Variants in USP38 observed in about 807,000 individuals in gnomAD.
The protein encoded by USP38 is ubiquitin specific peptidase 38.
Under a neutral mutation model 94.3 loss-of-function variants are expected in USP38, and 49 were observed. The observed-to-expected ratio is 0.52, with a 90% CI of 0.41 to 0.66. USP38 has a LOEUF of 0.66. Ranked by LOEUF, USP38 falls within the 30% of genes least tolerant of loss-of-function variation. USP38 has a pLI of 0.00. For missense variants in USP38, 1,128 were observed against 1,229.4 expected (o/e 0.92, Z 1.23); for synonymous variants, 468 against 463.6 (o/e 1.01, Z -0.12).
At position 143,191,501 on chromosome 4, in the gene USP38, GC is replaced by G. The variant is rs199653204; in HGVS notation, c.818+3543del. On this transcript the variant is annotated intron_variant, in intron 2 of 9. Coordinates refer to ENST00000307017, the MANE Select transcript of USP38 (RefSeq NM_032557.6). Reference sequence around the variant, plus strand: ...CAAATAAAAGGGAAGGCTGCCTATAGCCCACAAGCTGCCATGTAAAAATGGA... The same window carrying G: ...CAAATAAAAGGGAAGGCTGCCTATAGCCACAAGCTGCCATGTAAAAATGGA... 6.8e-4 allele frequency among the ~76,000 whole-genome samples: 104 copies of G among 152,330 alleles called. 3 individuals carry two copies. The East Asian group carries it at 0.019, about 28-fold the overall frequency.
intron 2 of USP38, among the ~76,000 whole-genome samples, chr4:143,189,183 A>G (rs1384297892): frequency 1.3e-5 from 2 of 151,996 alleles, no homozygotes; most frequent in East Asian, 3.9e-4. Context: ...AAACCTGTGG[A>G]TATCTGAGGG....
Position 143,187,836 on chromosome 4 carries a change from T to A in USP38, c.693T>A (p.Phe231Leu). The stretch of plus-strand genomic sequence containing the variant: ...TAATTGAAAAAACAGATGCATCATT[T>A]GAACCTTCTGTAGCATTGGCAAGCC... ...FASISSTDAS[F>L]EPSVALASLV... The change falls in exon 2 of 10, where the codon TTT becomes TTA. Residue 231 changes from phenylalanine (F) to leucine (L), a missense_variant. Coordinates refer to ENST00000307017, the MANE Select transcript of USP38 (RefSeq NM_032557.6). The A allele has an allele frequency of 6.2e-7, 1 of 1,609,894 alleles. No homozygotes were observed. Among genetic ancestry groups the A allele is most frequent in the Non-Finnish European group, 8.5e-7 (1 of 1,178,504 alleles).
intron 9 of USP38, among the ~76,000 whole-genome samples, chr4:143,218,265 T>C (rs1272753949): frequency 1.3e-5 from 2 of 152,098 alleles, no homozygotes; most frequent in African/African-American, 4.8e-5. Flanking sequence ...ATGAGAAATA[T>C]AAATATACTG....
chr4:143,193,210 G>T (rs1218915995), intron 2 of USP38, among the ~76,000 whole-genome samples: 2 of 151,922 alleles, frequency 1.3e-5, no homozygotes, highest in Non-Finnish European at 2.9e-5. Flanking sequence ...TAAAAAAACT[G>T]CAGTGGTTTT....
At chr4:143,204,516 A>G (rs544586221) in intron 5 of USP38, 21 of 409,020 alleles carry the variant, frequency 5.1e-5, no homozygotes, top group African/African-American at 3.8e-4. Context: ...CAGCCTCCCA[A>G]GTAGCTGGGA....
chr4:143,216,741 G>T (rs1462467765), intron 9 of USP38, among the ~76,000 whole-genome samples: 3 of 152,008 alleles, frequency 2.0e-5, no homozygotes, highest in Non-Finnish European at 4.4e-5. Context: ...CTCCCAAAGT[G>T]CTGGGCCACT....
rs761499500 is a variant in USP38, at chr4:143,214,047, A to C, written c.2071A>C (p.Thr691Pro). 1 of 1,613,530 alleles carries C rather than the reference A, an allele frequency of 6.2e-7. No homozygotes were observed. Among genetic ancestry groups the C allele is most frequent in the African/African-American group, 1.3e-5 (1 of 74,902 alleles). Reference protein sequence around the residue: ...PPNEFYCSENTSVPNESNKIL... With the variant: ...PPNEFYCSENPSVPNESNKIL... ...TAATGAGTTTTACTGTTCTGAAAACACTTCTGTCCCTAACGAATCTAACAA... is the reference window on the plus strand; with the variant it reads ...TAATGAGTTTTACTGTTCTGAAAACCCTTCTGTCCCTAACGAATCTAACAA... Residue 691 changes from threonine (T) to proline (P), a missense_variant, in exon 9 of 10, where the codon ACT (threonine) becomes CCT (proline). By Grantham distance (38) the Thr-to-Pro change is conservative. Coordinates refer to ENST00000307017, the MANE Select transcript of USP38 (RefSeq NM_032557.6).
At chr4:143,218,567 T>G (rs1732244220) in intron 9 of USP38, among the ~76,000 whole-genome samples, 1 of 152,126 alleles carries the variant, frequency 6.6e-6, no homozygotes, top group African/African-American at 2.4e-5. Context: ...AGTATATTAC[T>G]TTTTTGGGAT....
Position 143,185,201 on chromosome 4 carries a change from G to C in USP38, c.-250G>C, listed in dbSNP as rs1343822555. On this transcript the variant is annotated 5_prime_UTR_variant, in exon 1 of 10. Coordinates refer to ENST00000307017, the MANE Select transcript of USP38 (RefSeq NM_032557.6). ...AGGGCCCGGGGCGGCGGCGGAGTACGGGCCTCTGGCGCCTTAGGCCAGCCG... is the reference window on the plus strand; with the variant it reads ...AGGGCCCGGGGCGGCGGCGGAGTACCGGCCTCTGGCGCCTTAGGCCAGCCG... The C allele has an allele frequency of 7.0e-6, 3 of 427,726 alleles. No homozygotes were observed. The highest frequency in any genetic ancestry group is 1.2e-5 in the Non-Finnish European group (3 of 241,556). 26.5% of individuals were successfully genotyped at this position (427,726 alleles called of 1,614,324 possible).
chr4:143,193,613 A>C (rs1356119873), intron 2 of USP38, among the ~76,000 whole-genome samples: 1 of 152,246 alleles, frequency 6.6e-6, no homozygotes, highest in South Asian at 2.1e-4. Context: ...GTTTGTGTAG[A>C]GAATGGAGGG....
chr4:143,189,326 G>C (rs576114926), intron 2 of USP38, among the ~76,000 whole-genome samples: 11 of 151,960 alleles, frequency 7.2e-5, no homozygotes, highest in African/African-American at 2.4e-4. Context: ...GTGTCTGTCT[G>C]TTCTTATTTA....
chr4:143,185,075 T>G lies in USP38; in HGVS notation c.-376T>G. On this transcript the variant is annotated 5_prime_UTR_variant, in exon 1 of 10. Coordinates refer to ENST00000307017, the MANE Select transcript of USP38 (RefSeq NM_032557.6). ...ACACCTGACCCGGAACTCGGAGGCG[T>G]GCTTCCTCCACCCGCCGGCTAGCAG... 1 of 186,044 alleles carries G rather than the reference T, an allele frequency of 5.4e-6. No homozygotes were observed. The highest frequency in any genetic ancestry group is 6.1e-5 in the Admixed American group (1 of 16,378). 11.5% of individuals were successfully genotyped at this position (186,044 alleles called of 1,614,324 possible). A position where few individuals can be genotyped will look rare whatever the true frequency, so the allele number is the denominator to read the frequency against.
chr4:143,203,690 T>A, intron 5 of USP38, 124 bp downstream of exon 5: 2 of 1,009,120 alleles, frequency 2.0e-6, no homozygotes, highest in Non-Finnish European at 2.8e-6. Flanking sequence ...AAAATGCAGT[T>A]AGAATCAGGT....
chr4:143,202,340 AT>A (rs1461666833), intron 4 of USP38, among the ~76,000 whole-genome samples: 1 of 152,098 alleles, frequency 6.6e-6, no homozygotes, highest in African/African-American at 2.4e-5. Flanking sequence ...TAAGACTATG[AT>A]TGTTCTTTTT....
In USP38 at chr4:143,187,871, A is replaced by G. The variant is rs765370699; in HGVS notation, c.728A>G (p.His243Arg). The G allele has an allele frequency of 1.2e-6, 2 of 1,613,622 alleles. No individual in the cohort carries two copies. The highest frequency in any genetic ancestry group is 1.7e-6 in the Non-Finnish European group (2 of 1,179,772). Residue 243 changes from histidine to arginine, a missense_variant, in exon 2 of 10, where the codon CAT (histidine) becomes CGT (arginine). By Grantham distance (29) the His-to-Arg change is conservative. Transcript: ENST00000307017. ...GTAGCATTGGCAAGCCTTGTGCAGC[A>G]TATTCCTCTTCAGATGATTACAGTT... ...PSVALASLVQ[H>R]IPLQMITVLI...
At position 143,207,479 on chromosome 4, in the gene USP38, A is replaced by T. The variant is rs1731902538; in HGVS notation, c.1403+1253A>T. On this transcript the variant is annotated intron_variant, in intron 6 of 9. Coordinates refer to ENST00000307017, the MANE Select transcript of USP38 (RefSeq NM_032557.6). ...CTTGAACCCAGGAGGCGGAGGTTGC[A>T]GTGAGCCAAGATTGTGCCACTGCAC... 2.0e-5 allele frequency among the ~76,000 whole-genome samples: 3 copies of T among 152,332 alleles called. No individual in the cohort carries two copies. The South Asian group carries it at 6.2e-4, about 32-fold the overall frequency.
At chr4:143,200,426 A>G (rs1307143806) in intron 4 of USP38, among the ~76,000 whole-genome samples, 1 of 152,186 alleles carries the variant, frequency 6.6e-6, no homozygotes, top group Non-Finnish European at 1.5e-5. Context: ...AACCAACATT[A>G]TACTCAATGG....
At chr4:143,220,260 C>A in intron 9 of USP38, 35 bp from the exon 10 acceptor site, 1 of 1,581,912 alleles carries the variant, frequency 6.3e-7, no homozygotes, top group Non-Finnish European at 8.6e-7. Context: ...TTGTATTTAG[C>A]ATTTTAATTT....
intron 1 of USP38, among the ~76,000 whole-genome samples, chr4:143,186,631 G>A (rs1731232938): frequency 6.6e-6 from 1 of 152,052 alleles, no homozygotes; most frequent in Admixed American, 6.5e-5. Flanking sequence ...TTTAAATAGT[G>A]ACATTTTTTG....
Sources: allele counts gnomAD v4.1 joint callset (sites outside exome capture counted in the v4.1 genomes callset), GRCh38; gene constraint gnomAD v4.1.1; transcripts MANE v1.5; gene names NCBI Gene and HGNC (gene_info 2026-07-23, HGNC 2026-07-21).